Variants in CCDC7 observed in about 807,000 individuals in gnomAD.
CCDC7 encodes the protein coiled-coil domain-containing protein 7.
CCDC7 carries 183 observed loss-of-function variants against 196.9 expected under a neutral mutation model. The ratio of observed to expected loss-of-function variants is 0.93; its 90% CI spans 0.82 to 1.05. CCDC7 has a LOEUF of 1.05. CCDC7 is among the 50% of genes least tolerant of loss of function. The probability of loss-of-function intolerance (pLI) is 0.00; values close to 1 mark genes in which losing one functional copy is unlikely to be tolerated. For missense variants in CCDC7, 1,540 were observed against 1,482.2 expected (o/e 1.04, Z -0.64); for synonymous variants, 525 against 484.6 (o/e 1.08, Z -1.10).
intron 25 of CCDC7, among the ~76,000 whole-genome samples, chr10:32,722,181 C>A (rs986063667): frequency 1.3e-5 from 2 of 152,078 alleles, no homozygotes; most frequent in African/African-American, 2.4e-5. Flanking sequence ...AATTCATGGT[C>A]CCCATATATC....
intron 21 of CCDC7, among the ~76,000 whole-genome samples, chr10:32,666,574 T>C (rs1591342426): frequency 1.4e-5 from 2 of 142,086 alleles, no homozygotes; most frequent in Admixed American, 1.4e-4. Context: ...CCCCTTCCTG[T>C]GTCCAAGTGT....
chr10:32,841,661 A>G (rs1308830325), intron 33 of CCDC7, among the ~76,000 whole-genome samples: 1 of 152,066 alleles, frequency 6.6e-6, no homozygotes, highest in Middle Eastern at 3.2e-3. Flanking sequence ...CCAAAGCAAG[A>G]CTAAGCAAAA....
chr10:32,596,351 T>G (rs529235465), intron 18 of CCDC7, among the ~76,000 whole-genome samples: 3 of 152,194 alleles, frequency 2.0e-5, no homozygotes, highest in Non-Finnish European at 4.4e-5. Context: ...ATACTAGGAT[T>G]GCAACCCTTA....
At chr10:32,754,277 A>G (rs896536808) in intron 28 of CCDC7, among the ~76,000 whole-genome samples, 6 of 152,178 alleles carry the variant, frequency 3.9e-5, no homozygotes, top group African/African-American at 1.2e-4. Flanking sequence ...AAACATTTCT[A>G]TATATCCCAG....
chr10:32,834,899 G>A lies in CCDC7; in HGVS notation c.3352+1G>A, dbSNP rs1396092142. The A allele has an allele frequency of 1.5e-6, 2 of 1,301,034 alleles. No homozygotes were observed. Among genetic ancestry groups the A allele is most frequent in the Admixed American group, 2.1e-5 (1 of 48,488 alleles). 80.6% of individuals were successfully genotyped at this position (1,301,034 alleles called of 1,614,324 possible). A position where few individuals can be genotyped will look rare whatever the true frequency, so the allele number is the denominator to read the frequency against. ...AACATACAGTCAAAGAGTCATGGAG[G>A]TAAGAACAAGAATTTTTCAAGTCTC... On this transcript the variant is annotated splice_donor_variant, in intron 33 of 41. Transcript: ENST00000639629. LOFTEE classifies it high-confidence loss of function.
chr10:32,640,127 T>C (rs1049978571), intron 20 of CCDC7, among the ~76,000 whole-genome samples: 1 of 152,174 alleles, frequency 6.6e-6, no homozygotes, highest in African/African-American at 2.4e-5. Context: ...ATCTGTCTAA[T>C]GTTGACAGTG....
chr10:32,722,981 C>T (rs1052298582), intron 25 of CCDC7, among the ~76,000 whole-genome samples: 5 of 152,040 alleles, frequency 3.3e-5, no homozygotes, highest in Non-Finnish European at 4.4e-5. Flanking sequence ...GCTGAGACAT[C>T]GGTTAAGAGT....
chr10:32,603,970 A>T (rs979150915), intron 18 of CCDC7, among the ~76,000 whole-genome samples: 12 of 151,876 alleles, frequency 7.9e-5, no homozygotes, highest in African/African-American at 2.7e-4. Context: ...CCATTTGTCT[A>T]TTTTTGTTGT....
At chr10:32,533,217 A>G (rs2049953025) in intron 11 of CCDC7, among the ~76,000 whole-genome samples, 1 of 148,340 alleles carries the variant, frequency 6.7e-6, no homozygotes, top group South Asian at 2.2e-4. Context: ...TTTATCTTTA[A>G]TCCCAAATAA....
At chr10:32,559,522 C>T (rs1029781390) in intron 13 of CCDC7, among the ~76,000 whole-genome samples, 1 of 152,222 alleles carries the variant, frequency 6.6e-6, no homozygotes, top group Non-Finnish European at 1.5e-5. Flanking sequence ...TCATGAAAAT[C>T]CGCTGTTGTG....
chr10:32,747,121 C>A (rs1018040373), intron 28 of CCDC7, among the ~76,000 whole-genome samples: 1 of 152,180 alleles, frequency 6.6e-6, no homozygotes, highest in Admixed American at 6.5e-5. Context: ...AGGTGTTTAA[C>A]CTCAAGGAGC....
chr10:32,648,109 G>A (rs1438802060), intron 20 of CCDC7, among the ~76,000 whole-genome samples: 1 of 152,102 alleles, frequency 6.6e-6, no homozygotes, highest in Non-Finnish European at 1.5e-5. Flanking sequence ...GCTTGTTTTT[G>A]TTGGTCTTGT....
chr10:32,767,541 A>G (rs562840884), intron 28 of CCDC7, among the ~76,000 whole-genome samples: 235 of 152,250 alleles, frequency 1.5e-3, no homozygotes, highest in Non-Finnish European at 2.9e-3. Context: ...AGAATGCTCC[A>G]GGAGTCATCC....
intron 31 of CCDC7, among the ~76,000 whole-genome samples, chr10:32,822,599 CAGT>C (rs2090444616): frequency 6.6e-6 from 1 of 151,850 alleles, no homozygotes; most frequent in African/African-American, 2.4e-5. Flanking sequence ...ATATGTATAA[CAGT>C]AGCACAAAAA....
intron 15 of CCDC7, among the ~76,000 whole-genome samples, chr10:32,571,057 G>A (rs1408667506): frequency 6.9e-6 from 1 of 144,424 alleles, no homozygotes; most frequent in Admixed American, 7.2e-5. Flanking sequence ...CCAGACTGGA[G>A]TGCAGTGGTG....
intron 25 of CCDC7, among the ~76,000 whole-genome samples, chr10:32,726,521 G>A (rs1390560896): frequency 1.3e-5 from 2 of 151,982 alleles, no homozygotes; most frequent in Non-Finnish European, 2.9e-5. Flanking sequence ...GAATATTTAT[G>A]ATATAATGAG....
At chr10:32,638,810 A>C (rs1332121521) in intron 20 of CCDC7, among the ~76,000 whole-genome samples, 5 of 152,188 alleles carry the variant, frequency 3.3e-5, no homozygotes, top group African/African-American at 1.2e-4. Context: ...GAATGGTACC[A>C]GCTTCTCCTT....
At chr10:32,627,206 T>C (rs1202697295) in intron 18 of CCDC7, among the ~76,000 whole-genome samples, 1 of 151,948 alleles carries the variant, frequency 6.6e-6, no homozygotes, top group Non-Finnish European at 1.5e-5. Flanking sequence ...ATTTCTTTCA[T>C]CAATTGTTTT....
At chr10:32,871,568 T>C (rs2094432285) in intron 41 of CCDC7, among the ~76,000 whole-genome samples, 1 of 150,804 alleles carries the variant, frequency 6.6e-6, no homozygotes, top group Non-Finnish European at 1.5e-5. Flanking sequence ...GATTCATTGA[T>C]TTTTTGAAGG....
Sources: allele counts gnomAD v4.1 joint callset (sites outside exome capture counted in the v4.1 genomes callset), GRCh38; gene constraint gnomAD v4.1.1; transcripts MANE v1.5; gene names NCBI Gene and HGNC (gene_info 2026-07-23, HGNC 2026-07-21).